Variants in RAI1 observed in about 807,000 individuals in gnomAD.
The protein encoded by RAI1 is retinoic acid-induced protein 1.
Under a neutral mutation model 123.8 loss-of-function variants are expected in RAI1, and 9 were observed. The ratio of observed to expected loss-of-function variants is 0.07; its 90% CI spans 0.04 to 0.13. The LOEUF (loss-of-function observed/expected upper bound fraction) is 0.13, where lower values mean the gene tolerates loss of function less well. Ranked by LOEUF, RAI1 falls within the 10% of genes least tolerant of loss-of-function variation. The probability of loss-of-function intolerance (pLI) is 1.00; values close to 1 mark genes in which losing one functional copy is unlikely to be tolerated. For missense variants in RAI1, 2,256 were observed against 2,545.8 expected (o/e 0.89, Z 2.45); for synonymous variants, 1,231 against 1,127.3 (o/e 1.09, Z -1.84).
chr17:17,764,841 C>T lies in RAI1; in HGVS notation c.-16-28092C>T, dbSNP rs374433201. Among the ~76,000 whole-genome samples, 18 of 152,394 alleles carry T rather than the reference C, an allele frequency of 1.2e-4. No homozygotes were observed. In the South Asian group the frequency reaches 3.5e-3, roughly 30 times the overall value. ...CTGGCCTCAAGCTATCTGCTTACCT[C>T]GGCCTCCCAAAGTGCTGGGATTATA... On this transcript the variant is annotated intron_variant, in intron 2 of 5. Coordinates refer to ENST00000353383, the MANE Select transcript of RAI1 (RefSeq NM_030665.4).
chr17:17,723,340 C>T (rs1291603426), intron 1 of RAI1, among the ~76,000 whole-genome samples: 2 of 18,850 alleles, frequency 1.1e-4, no homozygotes, highest in Non-Finnish European at 2.4e-4. Context: ...TGTATCCAGA[C>T]CCCCCCCCCC....
chr17:17,692,455 T>G (rs1914873555), intron 1 of RAI1, among the ~76,000 whole-genome samples: 2 of 152,148 alleles, frequency 1.3e-5, no homozygotes. Flanking sequence ...CTGCCCTATA[T>G]CCATTATCAA....
At chr17:17,750,572 T>C (rs1031883548) in intron 2 of RAI1, among the ~76,000 whole-genome samples, 2 of 150,958 alleles carry the variant, frequency 1.3e-5, no homozygotes, top group African/African-American at 4.9e-5. Flanking sequence ...AAATACAAAA[T>C]TAGCCGGGCA....
chr17:17,691,653 C>G (rs1212723409), intron 1 of RAI1, among the ~76,000 whole-genome samples: 1 of 152,120 alleles, frequency 6.6e-6, no homozygotes, highest in Non-Finnish European at 1.5e-5. Flanking sequence ...GGGGAGAAGT[C>G]AGAAAAAGGC....
intron 2 of RAI1, among the ~76,000 whole-genome samples, chr17:17,752,459 A>C (rs1260658254): frequency 6.6e-6 from 1 of 152,042 alleles, no homozygotes; most frequent in Non-Finnish European, 1.5e-5. Flanking sequence ...GCGCGGCTGG[A>C]AAGGGGCGGG....
chr17:17,754,191 C>CTTTTTTTTTTTTTTTTTT (rs1158475382), intron 2 of RAI1, among the ~76,000 whole-genome samples: 1 of 75,720 alleles, frequency 1.3e-5, no homozygotes, highest in African/African-American at 5.8e-5. Flanking sequence ...CTAACCCAAT[C>CTTTTTTTTTTTTTTTTTT]TTTTTTTTTT....
chr17:17,694,940 G>A (rs944016499), intron 1 of RAI1, among the ~76,000 whole-genome samples: 4 of 152,146 alleles, frequency 2.6e-5, no homozygotes, highest in Non-Finnish European at 5.9e-5. Context: ...TACCGGGCCA[G>A]GCGGCGCGCA....
At chr17:17,762,818 C>G (rs954612101) in intron 2 of RAI1, among the ~76,000 whole-genome samples, 6 of 152,138 alleles carry the variant, frequency 3.9e-5, no homozygotes, top group East Asian at 3.9e-4. Flanking sequence ...CCGCCTCCCC[C>G]TCCCCACTGC....
chr17:17,797,635 C>A lies in RAI1; in HGVS notation c.4687C>A (p.Gln1563Lys). 6.2e-7 allele frequency: 1 copy of A among 1,613,930 alleles called. No homozygotes were observed. The highest frequency in any genetic ancestry group is 8.5e-7 in the Non-Finnish European group (1 of 1,180,026). ...GGGGCGTGCCAAGCGACGACGACAGCAGCAGGTGCTGCCCCTGGATCCCGC... is the reference window on the plus strand; with the variant it reads ...GGGGCGTGCCAAGCGACGACGACAGAAGCAGGTGCTGCCCCTGGATCCCGC... The part of the protein sequence containing the change: ...CKGRAKRRRQ[Q>K]QVLPLDPAEP... Residue 1563 changes from glutamine (Q) to lysine (K), a missense_variant, in exon 3 of 6, where the codon CAG becomes AAG. This residue lies in a region of RAI1 where 410 missense variants were observed against 374.6 expected (regional missense o/e 1.09). Transcript: ENST00000353383.
intron 2 of RAI1, among the ~76,000 whole-genome samples, chr17:17,776,391 G>A (rs2031343340): frequency 2.0e-5 from 3 of 151,034 alleles, no homozygotes; most frequent in African/African-American, 4.9e-5. Context: ...TTTTTTTTGA[G>A]ACAAAGTCTC....
intron 2 of RAI1, among the ~76,000 whole-genome samples, chr17:17,773,322 C>T (rs1321217341): frequency 6.6e-6 from 1 of 152,152 alleles, no homozygotes. Flanking sequence ...GCAGGCAGCA[C>T]ATCAGGCGCT....
intron 1 of RAI1, among the ~76,000 whole-genome samples, chr17:17,694,912 C>A (rs1914969161): frequency 6.6e-6 from 1 of 152,024 alleles, no homozygotes; most frequent in Non-Finnish European, 1.5e-5. Context: ...CCCAGCGTTG[C>A]GGCCGGCGCT....
chr17:17,741,506 CT>C (rs1916635472), intron 2 of RAI1, among the ~76,000 whole-genome samples: 1 of 152,190 alleles, frequency 6.6e-6, no homozygotes, highest in Admixed American at 6.5e-5. Flanking sequence ...TGAATAGTTG[CT>C]TTTTGTGTGG....
intron 2 of RAI1, among the ~76,000 whole-genome samples, chr17:17,740,512 G>C (rs1916588367): frequency 1.3e-5 from 2 of 152,208 alleles, no homozygotes; most frequent in South Asian, 4.1e-4. Flanking sequence ...CTGATGCCGT[G>C]CTGGGGGCTT....
At chr17:17,729,455 T>C (rs146161081) in intron 2 of RAI1, among the ~76,000 whole-genome samples, 1 of 152,182 alleles carries the variant, frequency 6.6e-6, no homozygotes, top group African/African-American at 2.4e-5. Context: ...CACCTCTGTG[T>C]TCCCTGAGCC....
At chr17:17,725,093 T>G (rs935123826) in intron 2 of RAI1, among the ~76,000 whole-genome samples, 1 of 143,786 alleles carries the variant, frequency 7.0e-6, no homozygotes, top group Non-Finnish European at 1.5e-5. Context: ...TTGTTTTGGT[T>G]AGAGACGTCG....
intron 1 of RAI1, among the ~76,000 whole-genome samples, chr17:17,705,869 C>A (rs947424630): frequency 6.6e-6 from 1 of 151,692 alleles, no homozygotes; most frequent in East Asian, 1.9e-4. Flanking sequence ...ACTAAAAATA[C>A]AAAAATTAGC....
intron 2 of RAI1, among the ~76,000 whole-genome samples, chr17:17,783,889 G>A (rs2031721817): frequency 6.6e-6 from 1 of 152,004 alleles, no homozygotes. Context: ...AATTAACGAA[G>A]TCAGCTTGCC....
At position 17,799,449 on chromosome 17, in the gene RAI1, G is replaced by T. The variant is rs2032383360; in HGVS notation, c.5565+936G>T. ...GAGGGAGGGGTCAGTGGGGGCGGTGGGGTGCACCTCTCCCCCGGGGCCATG... is the reference window on the plus strand; with the variant it reads ...GAGGGAGGGGTCAGTGGGGGCGGTGTGGTGCACCTCTCCCCCGGGGCCATG... On this transcript the variant is annotated intron_variant, in intron 3 of 5. Coordinates refer to ENST00000353383, the MANE Select transcript of RAI1 (RefSeq NM_030665.4). The surrounding 1 kb of genome is among the most constrained non-coding windows in gnomAD (Gnocchi z 4.5). Among the ~76,000 whole-genome samples the T allele has an allele frequency of 1.3e-5, 2 of 152,074 alleles. No homozygotes were observed.
Sources: allele counts gnomAD v4.1 joint callset (sites outside exome capture counted in the v4.1 genomes callset), GRCh38; gene constraint gnomAD v4.1.1; regional missense constraint gnomAD v4.1.1; non-coding constraint Gnocchi (gnomAD v3.1); transcripts MANE v1.5; gene names NCBI Gene and HGNC (gene_info 2026-07-23, HGNC 2026-07-21).